The following HLCS variants were observed in gnomAD, a reference collection of about 807,000 sequenced individuals.
HLCS encodes the protein biotin--protein ligase.
HLCS carries 53 observed loss-of-function variants against 75.0 expected under a neutral mutation model. That is an observed-to-expected ratio of 0.71 (90% CI 0.57 to 0.89). The LOEUF is 0.89. Ranked by LOEUF, HLCS falls within the 40% of genes least tolerant of loss-of-function variation. The probability of loss-of-function intolerance (pLI) is 0.00; values close to 1 mark genes in which losing one functional copy is unlikely to be tolerated. For synonymous variants in HLCS, 431 were observed against 428.6 expected, an observed-to-expected ratio of 1.01 and a Z score of -0.07; for missense variants, 966 against 1,074.0, an observed-to-expected ratio of 0.90 and a Z score of 1.41.
At chr21:36,798,093 G>C (rs1250501454) in intron 6 of HLCS, among the ~76,000 whole-genome samples, 1 of 152,192 alleles carries the variant, frequency 6.6e-6, no homozygotes. Context: ...CCTTGGCAAG[G>C]AACGATCCGG....
chr21:36,754,101 C>T lies in HLCS; in HGVS notation c.*145G>A. 2.2e-6 allele frequency: 2 copies of T among 929,656 alleles called. No individual in the cohort carries two copies. The highest frequency in any genetic ancestry group is 3.3e-6 in the Non-Finnish European group (2 of 612,498). The allele number at this position is 929,656 out of a possible 1,614,324, so 57.6% of individuals were successfully genotyped here. On this transcript the variant is annotated 3_prime_UTR_variant, in exon 11 of 11. Coordinates refer to ENST00000674895, the MANE Select transcript of HLCS (RefSeq NM_001352514.2). ...AACACCAAAGAAAACGACAACAAAA[C>T]AAACCTAAAAACAAACAGAAACACA...
chr21:36,754,383 G>T lies in HLCS; in HGVS notation c.2485C>A (p.Pro829Thr), dbSNP rs1417729542. Residue 829 changes from proline to threonine, a missense_variant, in exon 11 of 11, where the codon CCA (proline) becomes ACA (threonine). Transcript: ENST00000674895. ...TCCAGGCCAACGATGGACACCTTTGGTCCCTCTGCGCTGCCCAGATGGACT... is the reference window on the plus strand; with the variant it reads ...TCCAGGCCAACGATGGACACCTTTGTTCCCTCTGCGCTGCCCAGATGGACT... ...QQVHLGSAEG[P>T]KVSIVGLDDS... 4 of 1,613,546 alleles carry T rather than the reference G, an allele frequency of 2.5e-6. No homozygotes were observed. The African/African-American group carries it at 4.0e-5, about 16-fold the overall frequency.
At chr21:36,945,197 T>C (rs889360617) in intron 2 of HLCS, among the ~76,000 whole-genome samples, 1 of 152,172 alleles carries the variant, frequency 6.6e-6, no homozygotes, top group Non-Finnish European at 1.5e-5. Context: ...CTGTACGTCA[T>C]GGTGACTACA....
rs1250052802 is a variant in HLCS, at chr21:36,752,009, T to C, written c.*2237A>G. 6.6e-6 allele frequency: 1 copy of C among 152,288 alleles called. No individual in the cohort carries two copies. The highest frequency in any genetic ancestry group is 1.5e-5 in the Non-Finnish European group (1 of 67,992). 9.4% of individuals were successfully genotyped at this position (152,288 alleles called of 1,614,324 possible). ...TGCATAAATGGCCCAAATCGGAGAG[T>C]GTGCTATAGCAGGTAGACAGGTTTC... is the stretch of plus-strand genomic sequence containing the variant. On this transcript the variant is annotated 3_prime_UTR_variant, in exon 11 of 11. Coordinates refer to ENST00000674895, the MANE Select transcript of HLCS (RefSeq NM_001352514.2).
chr21:36,879,689 T>C (rs2064128777), intron 6 of HLCS, among the ~76,000 whole-genome samples: 1 of 152,036 alleles, frequency 6.6e-6, no homozygotes, highest in African/African-American at 2.4e-5. Context: ...CCCAGAACTT[T>C]GGGAGGCCAG....
intron 6 of HLCS, among the ~76,000 whole-genome samples, chr21:36,820,028 G>T (rs1465625248): frequency 2.6e-5 from 4 of 152,316 alleles, no homozygotes; most frequent in African/African-American, 9.6e-5. Context: ...CTCACGCCAT[G>T]TCAGGGTCCC....
intron 6 of HLCS, among the ~76,000 whole-genome samples, chr21:36,790,801 C>T (rs2060838846): frequency 1.3e-5 from 2 of 152,198 alleles, no homozygotes; most frequent in Non-Finnish European, 2.9e-5. Flanking sequence ...TTTCTGTCAG[C>T]CTGCAGAGCA....
At chr21:36,854,032 T>C (rs2063103189) in intron 6 of HLCS, among the ~76,000 whole-genome samples, 1 of 152,184 alleles carries the variant, frequency 6.6e-6, no homozygotes, top group Non-Finnish European at 1.5e-5. Flanking sequence ...AAAATAACGA[T>C]GTGAAATTTT....
At chr21:36,769,532 C>G (rs1330131777) in intron 6 of HLCS, among the ~76,000 whole-genome samples, 1 of 152,146 alleles carries the variant, frequency 6.6e-6, no homozygotes, top group African/African-American at 2.4e-5. Flanking sequence ...TAATGATTAC[C>G]TCCCTGCTTC....
At chr21:36,876,401 T>C (rs571419895) in intron 6 of HLCS, among the ~76,000 whole-genome samples, 2 of 152,314 alleles carry the variant, frequency 1.3e-5, no homozygotes, top group South Asian at 4.1e-4. Context: ...TACAGCAAAC[T>C]GGCATTTTAC....
At chr21:36,847,234 A>AC (rs2062828168) in intron 6 of HLCS, among the ~76,000 whole-genome samples, 1 of 152,166 alleles carries the variant, frequency 6.6e-6, no homozygotes, top group Non-Finnish European at 1.5e-5. Flanking sequence ...TTTGACATTG[A>AC]AATAAAGGCT....
At chr21:36,843,117 C>T (rs2146103073) in intron 6 of HLCS, among the ~76,000 whole-genome samples, 2 of 152,314 alleles carry the variant, frequency 1.3e-5, no homozygotes, top group African/African-American at 4.8e-5. Flanking sequence ...ACACATCTTG[C>T]CTCAGGCAAG....
At chr21:36,906,061 AAAACAAAAC>A (rs1195301034) in intron 5 of HLCS, among the ~76,000 whole-genome samples, 3 of 151,476 alleles carry the variant, frequency 2.0e-5, no homozygotes, top group African/African-American at 7.3e-5. Flanking sequence ...AAAAAAAAAA[AAAACAAAAC>A]AAAAATTGGG....
intron 6 of HLCS, among the ~76,000 whole-genome samples, chr21:36,839,577 G>T (rs1323961403): frequency 1.3e-5 from 2 of 152,164 alleles, no homozygotes; most frequent in Non-Finnish European, 2.9e-5. Flanking sequence ...CCTGAGAGGG[G>T]ACCAGATATA....
At chr21:36,941,310 C>T (rs2067132106) in intron 2 of HLCS, among the ~76,000 whole-genome samples, 1 of 152,206 alleles carries the variant, frequency 6.6e-6, no homozygotes, top group Non-Finnish European at 1.5e-5. Flanking sequence ...TTGCCTTCTG[C>T]CATGATGGTA....
chr21:36,918,595 T>C (rs1220849400), intron 5 of HLCS, among the ~76,000 whole-genome samples: 1 of 152,064 alleles, frequency 6.6e-6, no homozygotes, highest in Non-Finnish European at 1.5e-5. Context: ...ATCAATACCG[T>C]CCCTGCTAAA....
rs978742210 is a variant in HLCS, at chr21:36,752,035, G to A, written c.*2211C>T. The stretch of plus-strand genomic sequence containing the variant: ...GTGCTATAGCAGGTAGACAGGTTTC[G>A]CTAACACGAACAGCTATCAGTAAAA... On this transcript the variant is annotated 3_prime_UTR_variant, in exon 11 of 11. Coordinates refer to ENST00000674895, the MANE Select transcript of HLCS (RefSeq NM_001352514.2). 1.3e-5 allele frequency: 2 copies of A among 152,610 alleles called. No individual in the cohort carries two copies. The highest frequency in any genetic ancestry group is 2.9e-5 in the Non-Finnish European group (2 of 68,038). 9.5% of individuals were successfully genotyped at this position (152,610 alleles called of 1,614,324 possible).
At chr21:36,787,414 C>T (rs1047204365) in intron 6 of HLCS, among the ~76,000 whole-genome samples, 2 of 152,308 alleles carry the variant, frequency 1.3e-5, no homozygotes, top group Admixed American at 6.5e-5. Context: ...GGTTAAGACC[C>T]GCAGGGGTCA....
At chr21:36,773,184 C>T (rs2060260521) in intron 6 of HLCS, among the ~76,000 whole-genome samples, 1 of 152,174 alleles carries the variant, frequency 6.6e-6, no homozygotes, top group Non-Finnish European at 1.5e-5. Flanking sequence ...TTTATTTAAG[C>T]CCAACCTATC....
Sources: allele counts gnomAD v4.1 joint callset (sites outside exome capture counted in the v4.1 genomes callset), GRCh38; gene constraint gnomAD v4.1.1; transcripts MANE v1.5; gene names NCBI Gene and HGNC (gene_info 2026-07-23, HGNC 2026-07-21).